Variants in RSPO2 observed in about 807,000 individuals in gnomAD.
The protein encoded by RSPO2 is R-spondin-2.
A neutral mutation model predicts 30.9 loss-of-function variants in RSPO2; 14 were observed. The observed-to-expected ratio is 0.45, with a 90% CI of 0.30 to 0.71. RSPO2 has a LOEUF of 0.71. RSPO2 is among the 30% of genes least tolerant of loss of function. The pLI is 0.08. For missense variants in RSPO2, 264 were observed against 301.9 expected (o/e 0.87, Z 0.93); for synonymous variants, 107 against 96.4 (o/e 1.11, Z -0.64).
intron 5 of RSPO2, among the ~76,000 whole-genome samples, chr8:107,922,626 C>A (rs993348892): frequency 6.6e-6 from 1 of 151,888 alleles, no homozygotes; most frequent in African/African-American, 2.4e-5. Context: ...AAAACTGAGC[C>A]CAAGTAGACA....
chr8:108,041,662 G>A (rs570130450), intron 2 of RSPO2, among the ~76,000 whole-genome samples: 1 of 152,174 alleles, frequency 6.6e-6, no homozygotes, highest in East Asian at 1.9e-4. Context: ...TAAGTGACAG[G>A]GTTGTTATCA....
chr8:107,946,416 G>C (rs1813060328), intron 5 of RSPO2, among the ~76,000 whole-genome samples: 1 of 152,160 alleles, frequency 6.6e-6, no homozygotes, highest in Non-Finnish European at 1.5e-5. Flanking sequence ...GGAGAAATGA[G>C]GTTTTGCAAA....
intron 3 of RSPO2, chr8:107,983,270 A>G: frequency 6.3e-7 from 1 of 1,593,980 alleles, no homozygotes; most frequent in Admixed American, 1.7e-5. Context: ...CAGTCTGAGC[A>G]GGCTCATCTT....
chr8:108,047,775 C>T lies in RSPO2; in HGVS notation c.94+34770G>A, dbSNP rs971330571. On this transcript the variant is annotated intron_variant, in intron 2 of 5. Transcript: ENST00000276659. ...CTGAGGCAGGAGAATTGCTTGAACC[C>T]GGGAGGCAGAGGTTGCAGTGAACCA... Among the ~76,000 whole-genome samples, 6 of 151,442 alleles carry T rather than the reference C, an allele frequency of 4.0e-5. No individual in the cohort carries two copies. In the South Asian group the frequency reaches 1.1e-3, roughly 27 times the overall value.
chr8:108,048,031 T>G (rs1033860324), intron 2 of RSPO2, among the ~76,000 whole-genome samples: 1 of 152,062 alleles, frequency 6.6e-6, no homozygotes, highest in Non-Finnish European at 1.5e-5. Flanking sequence ...TTGCCTTTAT[T>G]ATGTGCTAAG....
At chr8:107,983,981 C>G (rs1000134075) in intron 3 of RSPO2, 43 of 780,378 alleles carry the variant, frequency 5.5e-5, no homozygotes, top group Non-Finnish European at 5.0e-5. Flanking sequence ...AAATAGAAGG[C>G]CACCAAAAGG....
intron 2 of RSPO2, among the ~76,000 whole-genome samples, chr8:108,008,061 C>T (rs1815514606): frequency 6.6e-6 from 1 of 152,168 alleles, no homozygotes; most frequent in South Asian, 2.1e-4. Flanking sequence ...CACATGCCTG[C>T]ACACACATAC....
At chr8:107,914,005 A>G (rs1473182757) in intron 5 of RSPO2, among the ~76,000 whole-genome samples, 2 of 152,210 alleles carry the variant, frequency 1.3e-5, no homozygotes, top group African/African-American at 4.8e-5. Context: ...TAGCATTTAG[A>G]AATTTTAAAT....
chr8:108,054,373 A>G (rs1812172518), intron 2 of RSPO2, among the ~76,000 whole-genome samples: 1 of 152,160 alleles, frequency 6.6e-6, no homozygotes, highest in African/African-American at 2.4e-5. Flanking sequence ...AGAGGCTCAG[A>G]GAAAGGGCTA....
intron 2 of RSPO2, among the ~76,000 whole-genome samples, chr8:108,064,628 A>G (rs548759948): frequency 1.3e-5 from 2 of 152,336 alleles, no homozygotes; most frequent in African/African-American, 4.8e-5. Flanking sequence ...TTCCTCAAGG[A>G]TCTAGAACTA....
chr8:107,972,719 C>T (rs962216962), intron 3 of RSPO2, among the ~76,000 whole-genome samples: 1 of 151,918 alleles, frequency 6.6e-6, no homozygotes, highest in Non-Finnish European at 1.5e-5. Flanking sequence ...AAGAAACTGC[C>T]AACATCAGAT....
At chr8:108,031,451 T>C (rs1252079521) in intron 2 of RSPO2, among the ~76,000 whole-genome samples, 1 of 152,206 alleles carries the variant, frequency 6.6e-6, no homozygotes, top group Non-Finnish European at 1.5e-5. Flanking sequence ...ATACATCCCA[T>C]GCACTTTGAA....
chr8:107,956,335 T>C (rs1342369274), intron 5 of RSPO2, among the ~76,000 whole-genome samples: 1 of 152,224 alleles, frequency 6.6e-6, no homozygotes, highest in Non-Finnish European at 1.5e-5. Flanking sequence ...TCTTTCCTAA[T>C]AAGTAAAACT....
intron 5 of RSPO2, among the ~76,000 whole-genome samples, chr8:107,954,801 G>T (rs1225329041): frequency 6.6e-6 from 1 of 152,008 alleles, no homozygotes; most frequent in Non-Finnish European, 1.5e-5. Context: ...AGTAGAGGCG[G>T]GGTTTCACCA....
At chr8:108,013,322 C>A (rs1386670689) in intron 2 of RSPO2, among the ~76,000 whole-genome samples, 2 of 152,154 alleles carry the variant, frequency 1.3e-5, no homozygotes, top group African/African-American at 2.4e-5. Context: ...AATTCATCAG[C>A]CTGTTTCTGT....
chr8:108,014,214 G>T (rs1301018703), intron 2 of RSPO2, among the ~76,000 whole-genome samples: 1 of 152,188 alleles, frequency 6.6e-6, no homozygotes, highest in Non-Finnish European at 1.5e-5. Flanking sequence ...AGAGGATGTG[G>T]AGAAAGAGGA....
At chr8:108,056,731 T>C (rs1812260119) in intron 2 of RSPO2, among the ~76,000 whole-genome samples, 1 of 151,208 alleles carries the variant, frequency 6.6e-6, no homozygotes, top group South Asian at 2.1e-4. Flanking sequence ...TATTAACTGG[T>C]ATTTCTAGTT....
In RSPO2 at chr8:107,899,487, G is replaced by C. The variant is rs959820073; in HGVS notation, c.*1588C>G. The C allele has an allele frequency of 6.6e-6, 1 of 152,492 alleles. No homozygotes were observed. Among genetic ancestry groups the C allele is most frequent in the East Asian group, 1.9e-4 (1 of 5,174 alleles). The allele number at this position is 152,492 out of a possible 1,614,324, so 9.4% of individuals were successfully genotyped here. A position where few individuals can be genotyped will look rare whatever the true frequency, so the allele number is the denominator to read the frequency against. On this transcript the variant is annotated 3_prime_UTR_variant, in exon 6 of 6. Coordinates refer to ENST00000276659, the MANE Select transcript of RSPO2 (RefSeq NM_178565.5). ...TTCAGGATTAAATGTAAACCCTAAA[G>C]TTGTATACAACATTCATATGTGGCT...
At chr8:107,961,851 A>G (rs1036232941) in intron 3 of RSPO2, among the ~76,000 whole-genome samples, 1 of 152,234 alleles carries the variant, frequency 6.6e-6, no homozygotes, top group African/African-American at 2.4e-5. Context: ...ATAAGGTATA[A>G]AAAGAAGCAA....
Sources: allele counts gnomAD v4.1 joint callset (sites outside exome capture counted in the v4.1 genomes callset), GRCh38; gene constraint gnomAD v4.1.1; transcripts MANE v1.5; gene names NCBI Gene and HGNC (gene_info 2026-07-23, HGNC 2026-07-21).